Variants in C1QTNF3 observed in about 807,000 individuals in gnomAD.
C1QTNF3 encodes the protein C1q and TNF related 3.
C1QTNF3 carries 26 observed loss-of-function variants against 32.6 expected under a neutral mutation model. The ratio of observed to expected loss-of-function variants is 0.80; its 90% CI spans 0.58 to 1.11. The LOEUF (loss-of-function observed/expected upper bound fraction) is 1.11. Among genes scored for constraint, C1QTNF3 ranks in the 50% least tolerant of loss-of-function variants. C1QTNF3 has a pLI of 0.00. For synonymous variants in C1QTNF3, 155 were observed against 146.0 expected (o/e 1.06, Z -0.44); for missense variants, 362 against 398.2 (o/e 0.91, Z 0.77).
the C1QTNF3 span, among the ~76,000 whole-genome samples, chr5:34,179,853 G>T: frequency 9.1e-4 from 136 of 149,780 alleles, no homozygotes; most frequent in African/African-American, 3.4e-3. Context: ...ATGAGGCTGG[G>T]TGCTAGGTGC....
the C1QTNF3 span, among the ~76,000 whole-genome samples, chr5:34,183,519 C>T: frequency 2.0e-5 from 3 of 148,444 alleles, no homozygotes; most frequent in African/African-American, 4.9e-5. Flanking sequence ...TTAGTAGAGA[C>T]GGAGTTTTGC....
At chr5:34,236,570 CTT>C in the C1QTNF3 span, among the ~76,000 whole-genome samples, 481 of 27,222 alleles carry the variant, frequency 0.018, 2 homozygotes, top group Middle Eastern at 0.083. Context: ...TTTCTTTTTT[CTT>C]TTTTTTTTTT....
chr5:34,077,132 A>G, the C1QTNF3 span, among the ~76,000 whole-genome samples: 76 of 151,884 alleles, frequency 5.0e-4, no homozygotes, highest in Admixed American at 1.6e-3. Context: ...TTACTATTGT[A>G]ACAGTGACTA....
chr5:34,030,643 T>G (rs1754589256), intron 3 of C1QTNF3, among the ~76,000 whole-genome samples: 2 of 152,174 alleles, frequency 1.3e-5, no homozygotes, highest in South Asian at 2.1e-4. Flanking sequence ...CAAGAAAACT[T>G]TTGTCACTAT....
the C1QTNF3 span, among the ~76,000 whole-genome samples, chr5:34,082,218 G>A: frequency 1.3e-5 from 2 of 151,424 alleles, no homozygotes; most frequent in Non-Finnish European, 2.9e-5. Context: ...TAACATTCAG[G>A]TGACATTACA....
rs72743386 is a variant in C1QTNF3, at chr5:34,033,976, A to G, written c.416-518T>C. Among the ~76,000 whole-genome samples the G allele has an allele frequency of 3.3e-3, 502 of 152,344 alleles. 2 individuals are homozygous for G. Among genetic ancestry groups the G allele is most frequent in the Non-Finnish European group, 5.4e-3 (364 of 68,018 alleles). ...CTAGAGTTTGAGACAAGCTTGAGCA[A>G]TATGGTGAGATCCCATCTTTACAAA... is the stretch of plus-strand genomic sequence containing the variant. On this transcript the variant is annotated intron_variant, in intron 2 of 5. Coordinates refer to ENST00000382065, the MANE Select transcript of C1QTNF3 (RefSeq NM_181435.6).
the C1QTNF3 span, among the ~76,000 whole-genome samples, chr5:34,156,662 A>G: frequency 6.6e-6 from 1 of 152,316 alleles, no homozygotes; most frequent in African/African-American, 2.4e-5. Context: ...CATTTAAGAC[A>G]TATGTCTTCA....
chr5:34,024,226 A>C (rs1189301147), intron 4 of C1QTNF3: 6 of 472,552 alleles, frequency 1.3e-5, no homozygotes, highest in Middle Eastern at 6.1e-4. Context: ...ATAAGACTTA[A>C]AAGTCTTTAA....
At chr5:34,230,835 G>A in the C1QTNF3 span, among the ~76,000 whole-genome samples, 1 of 151,850 alleles carries the variant, frequency 6.6e-6, no homozygotes, top group Non-Finnish European at 1.5e-5. Context: ...CCATAACTAT[G>A]TCTATGTTCC....
chr5:34,019,832 C>G lies in C1QTNF3; in HGVS notation c.*751G>C, dbSNP rs1754280991. 6.6e-6 allele frequency: 1 copy of G among 152,208 alleles called. No individual in the cohort carries two copies. Among genetic ancestry groups the G allele is most frequent in the African/African-American group, 2.4e-5 (1 of 41,452 alleles). The allele number at this position is 152,208 out of a possible 1,614,324, so 9.4% of individuals were successfully genotyped here. On this transcript the variant is annotated 3_prime_UTR_variant, in exon 6 of 6. Transcript: ENST00000382065. ...TATGTTCTTCAGATATAAAATCCCT[C>G]TGGTCAACATGCAACATTTGAATAT...
At chr5:34,164,817 A>AACACACACAC in the C1QTNF3 span, 1 of 147,950 alleles carries the variant, frequency 6.8e-6, no homozygotes, top group Non-Finnish European at 1.5e-5. Context: ...TTTTTCTCAA[A>AACACACACAC]ACACACACAC....
At chr5:34,230,608 A>G in the C1QTNF3 span, among the ~76,000 whole-genome samples, 14 of 152,206 alleles carry the variant, frequency 9.2e-5, no homozygotes, top group Non-Finnish European at 1.5e-4. Context: ...GCATAAAACA[A>G]TATTAAAATT....
chr5:34,085,232 T>C, the C1QTNF3 span, among the ~76,000 whole-genome samples: 1 of 150,166 alleles, frequency 6.7e-6, no homozygotes, highest in African/African-American at 2.5e-5. Context: ...CCTGATCTCA[T>C]GATCCACCCA....
the C1QTNF3 span, among the ~76,000 whole-genome samples, chr5:34,085,508 G>A: frequency 6.6e-6 from 1 of 151,276 alleles, no homozygotes; most frequent in East Asian, 1.9e-4. Flanking sequence ...TTGTTCCATT[G>A]GTCTATATAT....
chr5:34,198,203 C>T, the C1QTNF3 span, among the ~76,000 whole-genome samples: 10 of 145,142 alleles, frequency 6.9e-5, no homozygotes, highest in South Asian at 1.7e-3. Context: ...CATGGCACCA[C>T]TGCACTCCAG....
the C1QTNF3 span, among the ~76,000 whole-genome samples, chr5:34,117,822 T>C: frequency 4.1e-4 from 63 of 152,202 alleles, no homozygotes; most frequent in African/African-American, 1.4e-3. Flanking sequence ...TTCACTCCAA[T>C]GTAGTATGCT....
the C1QTNF3 span, among the ~76,000 whole-genome samples, chr5:34,235,444 C>T: frequency 2.0e-5 from 3 of 151,696 alleles, no homozygotes; most frequent in African/African-American, 7.3e-5. Context: ...TAACCTCCCA[C>T]AGAATGCAGG....
chr5:34,166,308 G>A, the C1QTNF3 span: 4 of 151,970 alleles, frequency 2.6e-5, no homozygotes, highest in South Asian at 2.1e-4. Flanking sequence ...AAGCTAGGAC[G>A]TGACTTGGCA....
chr5:34,043,675 A>C (rs1362195307), upstream of C1QTNF3: 1 of 153,032 alleles, frequency 6.5e-6, no homozygotes, highest in Non-Finnish European at 1.5e-5. Flanking sequence ...GGCCCACTTA[A>C]GGTAACTCAT....
Sources: gnomAD v4.1 joint callset for allele counts (sites outside exome capture counted in the v4.1 genomes callset) on GRCh38, gnomAD v4.1.1 for gene constraint, MANE v1.5 for transcripts, NCBI Gene and HGNC (gene_info 2026-07-23, HGNC 2026-07-21) for gene names.